The following ZFAT variants were observed in gnomAD, a reference collection of about 807,000 sequenced individuals.
ZFAT encodes the protein zinc finger and AT-hook domain containing, also known as zinc finger protein ZFAT.
ZFAT carries 64 observed loss-of-function variants against 117.7 expected under a neutral mutation model. The observed-to-expected ratio is 0.54, with a 90% CI of 0.44 to 0.67. The LOEUF is 0.67. Among genes scored for constraint, ZFAT ranks in the 30% least tolerant of loss-of-function variants. The pLI, the probability that ZFAT is intolerant of heterozygous loss-of-function variation, is 0.00. For synonymous variants in ZFAT, 679 were observed against 615.0 expected (o/e 1.10, Z -1.54); for missense variants, 1,433 against 1,584.5 (o/e 0.90, Z 1.62).
intron 15 of ZFAT, among the ~76,000 whole-genome samples, chr8:134,489,163 T>C (rs147602219): frequency 1.3e-5 from 2 of 152,022 alleles, no homozygotes; most frequent in African/African-American, 4.8e-5. Context: ...ACCCCCAAGC[T>C]CACTCCCCTG....
intron 1 of ZFAT, among the ~76,000 whole-genome samples, chr8:134,671,807 T>A (rs1832574379): frequency 6.6e-6 from 1 of 152,146 alleles, no homozygotes; most frequent in African/African-American, 2.4e-5. Context: ...AAAGAGGAAG[T>A]CAAATTGTCC....
chr8:134,763,045 T>C, the ZFAT span, among the ~76,000 whole-genome samples: 2 of 152,200 alleles, frequency 1.3e-5, no homozygotes, highest in Non-Finnish European at 2.9e-5. Flanking sequence ...CTTTGGTCCC[T>C]ACAATCTCAT....
chr8:134,702,576 C>A (rs962477934), intron 1 of ZFAT, among the ~76,000 whole-genome samples: 18 of 152,266 alleles, frequency 1.2e-4, no homozygotes, highest in Admixed American at 2.6e-4. Flanking sequence ...CTGTTGCCTA[C>A]CCCCAAGTAA....
chr8:134,681,876 C>T (rs1486242034), intron 1 of ZFAT, among the ~76,000 whole-genome samples: 4 of 152,150 alleles, frequency 2.6e-5, no homozygotes, highest in East Asian at 1.9e-4. Context: ...TCACATCCAG[C>T]GGAATCAATA....
At chr8:134,778,078 G>C in the ZFAT span, among the ~76,000 whole-genome samples, 1 of 152,148 alleles carries the variant, frequency 6.6e-6, no homozygotes, top group African/African-American at 2.4e-5. Context: ...AATCCAAAGA[G>C]CTGCATCCTG....
chr8:134,799,963 C>A, the ZFAT span, among the ~76,000 whole-genome samples: 3 of 152,152 alleles, frequency 2.0e-5, no homozygotes, highest in Admixed American at 1.3e-4. Context: ...TCAATCCATG[C>A]AATCACATAC....
chr8:134,780,798 C>G, the ZFAT span, among the ~76,000 whole-genome samples: 8 of 152,204 alleles, frequency 5.3e-5, no homozygotes, highest in South Asian at 6.2e-4. Flanking sequence ...TTATTCTTCT[C>G]TCATCCCTTA....
intron 11 of ZFAT, among the ~76,000 whole-genome samples, chr8:134,561,140 T>G (rs1233589788): frequency 2.0e-5 from 3 of 152,206 alleles, no homozygotes. Context: ...GGGTTACTTA[T>G]AACAACAGAA....
chr8:134,486,292 G>C (rs1209682786), intron 15 of ZFAT, among the ~76,000 whole-genome samples: 2 of 152,120 alleles, frequency 1.3e-5, no homozygotes, highest in Non-Finnish European at 2.9e-5. Flanking sequence ...AAGATGAACT[G>C]CCTTCACTTC....
Position 134,508,110 on chromosome 8 carries a change from T to C in ZFAT, c.3492+1509A>G, listed in dbSNP as rs554639470. Among the ~76,000 whole-genome samples, 78 of 152,312 alleles carry C rather than the reference T, an allele frequency of 5.1e-4. 1 individual carries two copies. The highest frequency in any genetic ancestry group is 1.8e-3 in the African/African-American group (76 of 41,580). On this transcript the variant is annotated intron_variant, in intron 15 of 15. Transcript: ENST00000377838. ...GCTCGACTCCTGAGAGAAATCACAC[T>C]GTGGAGGAGGGATTTTAGGACATGT...
intron 1 of ZFAT, among the ~76,000 whole-genome samples, chr8:134,660,454 A>G (rs1423832312): frequency 6.6e-6 from 1 of 152,256 alleles, no homozygotes; most frequent in African/African-American, 2.4e-5. Context: ...AGCAGTAACC[A>G]CAGGTGGGCC....
At chr8:134,566,929 C>T (rs769057940) in intron 10 of ZFAT, among the ~76,000 whole-genome samples, 6 of 152,324 alleles carry the variant, frequency 3.9e-5, no homozygotes, top group East Asian at 1.9e-4. Context: ...GAGGCATTCC[C>T]TCTCACCAGG....
the ZFAT span, chr8:134,796,415 A>G: frequency 6.6e-6 from 1 of 152,358 alleles, no homozygotes; most frequent in African/African-American, 2.4e-5. Context: ...CCACTGGAGA[A>G]TCTGCAGTAA....
chr8:134,627,031 A>G (rs993559929), intron 3 of ZFAT, among the ~76,000 whole-genome samples: 1 of 152,196 alleles, frequency 6.6e-6, no homozygotes, highest in Admixed American at 6.5e-5. Flanking sequence ...AAAAGAATCC[A>G]TAAGACCAGT....
At chr8:134,685,396 C>T (rs933218211) in intron 1 of ZFAT, among the ~76,000 whole-genome samples, 6 of 152,174 alleles carry the variant, frequency 3.9e-5, no homozygotes, top group African/African-American at 1.4e-4. Flanking sequence ...AAGTCTTGGT[C>T]TCCCCAGCCC....
intron 12 of ZFAT, among the ~76,000 whole-genome samples, chr8:134,529,432 C>T (rs577748302): frequency 6.2e-4 from 94 of 152,302 alleles, no homozygotes; most frequent in African/African-American, 2.1e-3. Context: ...CAGCATGAAA[C>T]GTGCATTTGT....
At chr8:134,726,538 A>G in the ZFAT span, among the ~76,000 whole-genome samples, 1 of 152,178 alleles carries the variant, frequency 6.6e-6, no homozygotes, top group Admixed American at 6.5e-5. Context: ...CACTCACCCA[A>G]GTCCTGAGTC....
At chr8:134,713,792 C>G (rs1347359886), upstream of ZFAT, among the ~76,000 whole-genome samples, 2 of 152,074 alleles carry the variant, frequency 1.3e-5, no homozygotes, top group Non-Finnish European at 2.9e-5. Context: ...CAGCCCCTAA[C>G]CCTCACCCCC....
At chr8:134,533,326 A>G (rs1821575415) in intron 11 of ZFAT, among the ~76,000 whole-genome samples, 1 of 152,258 alleles carries the variant, frequency 6.6e-6, no homozygotes, top group East Asian at 1.9e-4. Flanking sequence ...TGACATTAAA[A>G]GTAGCTCTCA....
Sources: allele counts gnomAD v4.1 joint callset (sites outside exome capture counted in the v4.1 genomes callset), GRCh38; gene constraint gnomAD v4.1.1; transcripts MANE v1.5; gene names NCBI Gene and HGNC (gene_info 2026-07-23, HGNC 2026-07-21).